The following KHDRBS2 variants were observed in gnomAD, a reference collection of about 807,000 sequenced individuals.
KHDRBS2 encodes the protein KH domain-containing, RNA-binding, signal transduction-associated protein 2.
KHDRBS2 carries 26 observed loss-of-function variants against 44.3 expected under a neutral mutation model. The ratio of observed to expected loss-of-function variants is 0.59; its 90% CI spans 0.43 to 0.81. The LOEUF is 0.81. KHDRBS2 is among the 40% of genes least tolerant of loss of function. The pLI is 0.00. For missense variants in KHDRBS2, 476 were observed against 433.1 expected, an observed-to-expected ratio of 1.10 and a Z score of -0.88; for synonymous variants, 194 against 151.1, an observed-to-expected ratio of 1.28 and a Z score of -2.08.
intron 6 of KHDRBS2, among the ~76,000 whole-genome samples, chr6:61,791,575 T>A (rs1784645312): frequency 6.6e-6 from 1 of 151,520 alleles, no homozygotes; most frequent in South Asian, 2.1e-4. Context: ...TGAAATAGGA[T>A]GTATTTGTTT....
At chr6:61,891,447 T>A (rs1423582618) in intron 6 of KHDRBS2, among the ~76,000 whole-genome samples, 1 of 152,150 alleles carries the variant, frequency 6.6e-6, no homozygotes, top group Non-Finnish European at 1.5e-5. Flanking sequence ...GCTGGCCTCA[T>A]AAAATGAGTT....
intron 1 of KHDRBS2, among the ~76,000 whole-genome samples, chr6:62,179,957 T>C (rs577739381): frequency 2.0e-5 from 3 of 151,970 alleles, no homozygotes; most frequent in East Asian, 3.9e-4. Context: ...ATTTGTCAAA[T>C]GCATAGTAAC....
intron 8 of KHDRBS2, among the ~76,000 whole-genome samples, chr6:61,687,311 A>G (rs1766926317): frequency 6.6e-6 from 1 of 151,820 alleles, no homozygotes; most frequent in Admixed American, 6.6e-5. Context: ...TTTTAATTAG[A>G]TGTCCTCTGT....
At chr6:62,078,993 C>T (rs1464582744) in intron 2 of KHDRBS2, among the ~76,000 whole-genome samples, 1 of 151,976 alleles carries the variant, frequency 6.6e-6, no homozygotes, top group East Asian at 1.9e-4. Context: ...AACTGCATTC[C>T]TTCCTAACTG....
At chr6:61,607,390 A>T in the KHDRBS2 span, among the ~76,000 whole-genome samples, 1 of 151,352 alleles carries the variant, frequency 6.6e-6, no homozygotes, top group Non-Finnish European at 1.5e-5. Context: ...AAATATAAAC[A>T]TCAAGAGAAA....
the KHDRBS2 span, among the ~76,000 whole-genome samples, chr6:61,649,228 C>A: frequency 6.1e-4 from 93 of 152,212 alleles, no homozygotes; most frequent in East Asian, 0.017. Context: ...TGTCAAAGAG[C>A]TCCAAAAGGC....
At chr6:62,073,055 C>T (rs988296319) in intron 2 of KHDRBS2, among the ~76,000 whole-genome samples, 2 of 152,010 alleles carry the variant, frequency 1.3e-5, no homozygotes, top group African/African-American at 4.8e-5. Context: ...CAACTTCTTC[C>T]TGGTTTAGTC....
At chr6:61,941,415 C>G (rs1169810381) in intron 4 of KHDRBS2, among the ~76,000 whole-genome samples, 1 of 152,092 alleles carries the variant, frequency 6.6e-6, no homozygotes, top group Non-Finnish European at 1.5e-5. Flanking sequence ...ACATTACTGC[C>G]ATTATTAGCA....
the KHDRBS2 span, among the ~76,000 whole-genome samples, chr6:61,624,240 C>T: frequency 6.6e-6 from 1 of 152,192 alleles, no homozygotes; most frequent in Non-Finnish European, 1.5e-5. Context: ...CCAGAGATGG[C>T]ATGATGGGCA....
the KHDRBS2 span, among the ~76,000 whole-genome samples, chr6:61,544,235 T>A: frequency 6.6e-6 from 1 of 151,990 alleles, no homozygotes; most frequent in Admixed American, 6.6e-5. Context: ...CATATACACC[T>A]AAAAATTAAA....
intron 2 of KHDRBS2, among the ~76,000 whole-genome samples, chr6:62,110,855 T>G (rs1804836881): frequency 6.6e-6 from 1 of 152,056 alleles, no homozygotes; most frequent in Non-Finnish European, 1.5e-5. Flanking sequence ...AAGCTGTGCA[T>G]ATTTTATATG....
intron 1 of KHDRBS2, among the ~76,000 whole-genome samples, chr6:62,265,180 C>G (rs1838992742): frequency 6.6e-6 from 1 of 151,810 alleles, no homozygotes; most frequent in Non-Finnish European, 1.5e-5. Context: ...ACTGTTGTTG[C>G]AATATACACT....
chr6:61,552,811 C>G, the KHDRBS2 span, among the ~76,000 whole-genome samples: 1 of 152,014 alleles, frequency 6.6e-6, no homozygotes. Context: ...TGTTCATTTG[C>G]ATGTGTTGAA....
At chr6:62,094,452 T>C (rs796381059) in intron 2 of KHDRBS2, among the ~76,000 whole-genome samples, 11 of 152,094 alleles carry the variant, frequency 7.2e-5, no homozygotes, top group African/African-American at 2.2e-4. Context: ...ATCAAACATA[T>C]AGTTTGCATA....
At chr6:61,771,938 T>A (rs1036243804) in intron 6 of KHDRBS2, among the ~76,000 whole-genome samples, 6 of 152,132 alleles carry the variant, frequency 3.9e-5, no homozygotes, top group Non-Finnish European at 8.8e-5. Flanking sequence ...TAGTGGGAAG[T>A]AAAGCACTCT....
At chr6:62,066,591 T>C (rs970535011) in intron 2 of KHDRBS2, among the ~76,000 whole-genome samples, 13 of 151,670 alleles carry the variant, frequency 8.6e-5, no homozygotes, top group African/African-American at 2.7e-4. Flanking sequence ...AAATTAGAGA[T>C]GTTTGTTCTT....
At chr6:61,742,420 T>C (rs1237494296) in intron 6 of KHDRBS2, among the ~76,000 whole-genome samples, 1 of 152,032 alleles carries the variant, frequency 6.6e-6, no homozygotes, top group African/African-American at 2.4e-5. Context: ...TTACTATTTC[T>C]TTAGGATATA....
At chr6:61,999,531 C>A (rs1342610936) in intron 3 of KHDRBS2, among the ~76,000 whole-genome samples, 1 of 152,056 alleles carries the variant, frequency 6.6e-6, no homozygotes, top group African/African-American at 2.4e-5. Context: ...TGTGTTATGG[C>A]ACATACCTTT....
chr6:61,712,221 A>G (rs1770622539), intron 7 of KHDRBS2, among the ~76,000 whole-genome samples: 2 of 151,878 alleles, frequency 1.3e-5, no homozygotes, highest in African/African-American at 4.8e-5. Flanking sequence ...TCAGAAAAAC[A>G]TACTCTGCCA....
Sources: gnomAD v4.1 joint callset for allele counts (sites outside exome capture counted in the v4.1 genomes callset) on GRCh38, gnomAD v4.1.1 for gene constraint, MANE v1.5 for transcripts, NCBI Gene and HGNC (gene_info 2026-07-23, HGNC 2026-07-21) for gene names.